CHCT1: variants seen among roughly 807,000 people sequenced by gnomAD.
CHCT1 encodes CHD1 helical C-terminal domain containing 1, also known as CHD1 helical C-terminal domain containing protein 1.
chr17:60,429,525 G>C, the CHCT1 span: 1 of 1,614,198 alleles, frequency 6.2e-7, no homozygotes, highest in Non-Finnish European at 8.5e-7. Context: ...CCCCTGCCTG[G>C]GCAGCCAAGA....
chr17:60,421,616 C>T, the CHCT1 span: 1 of 979,558 alleles, frequency 1.0e-6, no homozygotes, highest in Non-Finnish European at 1.2e-6. Context: ...CTCTCGTCGC[C>T]GGGACCCCGC....
chr17:60,426,114 C>T, the CHCT1 span: 18 of 1,534,276 alleles, frequency 1.2e-5, no homozygotes, highest in Non-Finnish European at 1.6e-5. Flanking sequence ...GCCCATCTGC[C>T]TCTTCTTTTC....
At chr17:60,425,734 A>G in the CHCT1 span, 4 of 1,408,052 alleles carry the variant, frequency 2.8e-6, no homozygotes, top group Non-Finnish European at 3.9e-6. Context: ...CACTGCCCCC[A>G]GGAGTAACGG....
the CHCT1 span, among the ~76,000 whole-genome samples, chr17:60,430,769 C>T: frequency 7.2e-5 from 11 of 152,246 alleles, no homozygotes; most frequent in African/African-American, 2.7e-4. Flanking sequence ...GCGTGAGCCA[C>T]TGTGCCTGGC....
chr17:60,425,996 T>C, the CHCT1 span: 10 of 1,277,600 alleles, frequency 7.8e-6, no homozygotes, highest in Admixed American at 2.1e-4. Flanking sequence ...CTTGTCTTAC[T>C]CTTGGTAAGG....
At chr17:60,430,295 T>C in the CHCT1 span, among the ~76,000 whole-genome samples, 10 of 152,022 alleles carry the variant, frequency 6.6e-5, no homozygotes, top group Non-Finnish European at 1.3e-4. Flanking sequence ...AAATGAAACA[T>C]GTTTTTGGCT....
At chr17:60,422,509 C>T in the CHCT1 span, 8 of 1,541,322 alleles carry the variant, frequency 5.2e-6, no homozygotes, top group African/African-American at 9.6e-5. Flanking sequence ...CTCCCTGAGA[C>T]GGCTAGGTCA....
At chr17:60,422,413 T>A in the CHCT1 span, 2 of 1,441,112 alleles carry the variant, frequency 1.4e-6, no homozygotes, top group Admixed American at 4.5e-5. Flanking sequence ...CCCCTAAGAA[T>A]GAGGAAATGG....
the CHCT1 span, chr17:60,422,036 C>CCCA: frequency 1.2e-6 from 1 of 832,290 alleles, no homozygotes; most frequent in Non-Finnish European, 1.4e-6. Flanking sequence ...GCACCCAGCA[C>CCCA]GGAGGGCTTA....
At chr17:60,429,391 G>A in the CHCT1 span, 1 of 1,614,020 alleles carries the variant, frequency 6.2e-7, no homozygotes, top group Non-Finnish European at 8.5e-7. Flanking sequence ...ATGCGCCGGA[G>A]AGGTCCTTGC....
the CHCT1 span, chr17:60,426,448 C>T: frequency 8.0e-7 from 1 of 1,248,330 alleles, no homozygotes; most frequent in Non-Finnish European, 1.1e-6. Context: ...GTGGAGGAGT[C>T]AAGAGCCTGA....
chr17:60,424,402 C>T, the CHCT1 span, among the ~76,000 whole-genome samples: 7 of 152,148 alleles, frequency 4.6e-5, no homozygotes, highest in Non-Finnish European at 1.0e-4. Context: ...TCTTTTGATG[C>T]CTCATTGTTC....
At chr17:60,431,193 A>G in the CHCT1 span, 1 of 1,600,380 alleles carries the variant, frequency 6.2e-7, no homozygotes, top group Non-Finnish European at 8.5e-7. Flanking sequence ...TCTTTAAGGG[A>G]GCTTTCTCAA....
chr17:60,426,726 G>A, the CHCT1 span: 1 of 1,610,562 alleles, frequency 6.2e-7, no homozygotes, highest in South Asian at 1.1e-5. Flanking sequence ...AGGATGCTCT[G>A]GCGGTTCATC....
At chr17:60,426,256 G>A in the CHCT1 span, 1 of 1,552,006 alleles carries the variant, frequency 6.4e-7, no homozygotes, top group South Asian at 1.2e-5. Context: ...ACATGAAGCA[G>A]AGCCTTGTGG....
chr17:60,422,686 G>C, the CHCT1 span: 2 of 1,512,890 alleles, frequency 1.3e-6, no homozygotes, highest in Non-Finnish European at 1.8e-6. Flanking sequence ...GGGTCCCGGA[G>C]GGGCTGGTTT....
the CHCT1 span, chr17:60,421,797 G>A: frequency 1.0e-6 from 1 of 955,242 alleles, no homozygotes; most frequent in Non-Finnish European, 1.2e-6. Context: ...CGGGTAGGAA[G>A]AGTCGGGGTG....
chr17:60,425,155 C>T, the CHCT1 span, among the ~76,000 whole-genome samples: 1 of 152,238 alleles, frequency 6.6e-6, no homozygotes, highest in Non-Finnish European at 1.5e-5. Context: ...AACCCCAGTC[C>T]AGAACTCCTT....
the CHCT1 span, chr17:60,429,409 C>T: frequency 6.2e-7 from 1 of 1,614,226 alleles, no homozygotes; most frequent in Non-Finnish European, 8.5e-7. Flanking sequence ...TGCTGGCCGA[C>T]CGGGAAGACA....
Sources: allele counts gnomAD v4.1 joint callset (sites outside exome capture counted in the v4.1 genomes callset), GRCh38; gene constraint gnomAD v4.1.1; transcripts MANE v1.5; gene names NCBI Gene and HGNC (gene_info 2026-07-23, HGNC 2026-07-21).